DOCK1: variants seen among roughly 807,000 people sequenced by gnomAD.
DOCK1 encodes the protein dedicator of cytokinesis protein 1.
DOCK1 carries 138 observed loss-of-function variants against 262.7 expected under a neutral mutation model. The ratio of observed to expected loss-of-function variants is 0.53; its 90% CI spans 0.46 to 0.61. The LOEUF (loss-of-function observed/expected upper bound fraction) is 0.61. Ranked by LOEUF, DOCK1 falls within the 20% of genes least tolerant of loss-of-function variation. The pLI is 0.00. For synonymous variants in DOCK1, 866 were observed against 867.4 expected (o/e 1.00, Z 0.03); for missense variants, 1,908 against 2,370.7 (o/e 0.80, Z 4.05).
intron 1 of DOCK1, among the ~76,000 whole-genome samples, chr10:126,941,049 A>G (rs1301595355): frequency 1.3e-5 from 2 of 152,184 alleles, no homozygotes; most frequent in Non-Finnish European, 2.9e-5. Context: ...TTCCATCACA[A>G]TATTTCAGGG....
chr10:127,180,415 G>T (rs80344689), intron 27 of DOCK1, among the ~76,000 whole-genome samples: 1,992 of 152,256 alleles, frequency 0.013, 13 homozygotes, highest in Middle Eastern at 0.02. Context: ...TTTATTTTTC[G>T]TAAGAAAATT....
chr10:127,112,124 G>T (rs2048904598), intron 25 of DOCK1, among the ~76,000 whole-genome samples: 1 of 151,656 alleles, frequency 6.6e-6, no homozygotes, highest in African/African-American at 2.4e-5. Flanking sequence ...TGATTCTCCT[G>T]CCTCAGCCTC....
At chr10:127,044,465 A>C (rs1336329329) in intron 21 of DOCK1, among the ~76,000 whole-genome samples, 1 of 152,188 alleles carries the variant, frequency 6.6e-6, no homozygotes, top group East Asian at 1.9e-4. Context: ...GGAGATGCCC[A>C]GTGTGTGGGC....
chr10:127,147,902 G>A (rs150530830), intron 27 of DOCK1, among the ~76,000 whole-genome samples: 4 of 151,714 alleles, frequency 2.6e-5, no homozygotes, highest in South Asian at 2.1e-4. Flanking sequence ...TTGGCGGTGC[G>A]CGCACGTAGT....
chr10:127,302,080 G>C (rs2061700638), intron 29 of DOCK1, among the ~76,000 whole-genome samples: 2 of 152,030 alleles, frequency 1.3e-5, no homozygotes, highest in Admixed American at 1.3e-4. Context: ...AGGATCTAGG[G>C]TCCTCTCTGC....
intron 1 of DOCK1, among the ~76,000 whole-genome samples, chr10:126,954,565 G>A (rs1487759775): frequency 6.6e-6 from 1 of 152,152 alleles, no homozygotes; most frequent in East Asian, 1.9e-4. Flanking sequence ...GACAGACTCT[G>A]TTCCTATTAA....
chr10:127,204,442 A>G (rs2057618800), intron 27 of DOCK1, among the ~76,000 whole-genome samples: 1 of 152,012 alleles, frequency 6.6e-6, no homozygotes, highest in Non-Finnish European at 1.5e-5. Context: ...ATGCACCACC[A>G]CACCCAGCTA....
At chr10:127,078,857 C>G (rs1366296042) in intron 23 of DOCK1, among the ~76,000 whole-genome samples, 1 of 152,198 alleles carries the variant, frequency 6.6e-6, no homozygotes, top group Non-Finnish European at 1.5e-5. Flanking sequence ...GGAATCTCCT[C>G]TTCATCCTTT....
intron 1 of DOCK1, among the ~76,000 whole-genome samples, chr10:126,940,867 T>C (rs1471781791): frequency 1.3e-5 from 2 of 152,216 alleles, no homozygotes; most frequent in South Asian, 2.1e-4. Flanking sequence ...CTCTATCTTA[T>C]CAGGGAAATC....
At chr10:127,187,525 T>C (rs1338592154) in intron 27 of DOCK1, among the ~76,000 whole-genome samples, 1 of 152,104 alleles carries the variant, frequency 6.6e-6, no homozygotes, top group African/African-American at 2.4e-5. Flanking sequence ...TAAAAGTTGT[T>C]TTGGTTTTTG....
At chr10:127,438,655 C>T (rs928376351) in intron 48 of DOCK1, among the ~76,000 whole-genome samples, 2 of 152,130 alleles carry the variant, frequency 1.3e-5, no homozygotes, top group African/African-American at 4.8e-5. Flanking sequence ...GTCTATTTTT[C>T]CCCATTAAAA....
chr10:126,988,801 A>T (rs1469971224), intron 5 of DOCK1, among the ~76,000 whole-genome samples: 1 of 152,158 alleles, frequency 6.6e-6, no homozygotes, highest in Non-Finnish European at 1.5e-5. Context: ...GGCTGGGCGC[A>T]GTGGCTTATG....
chr10:127,082,192 A>G (rs565616201), intron 23 of DOCK1, among the ~76,000 whole-genome samples: 1 of 152,306 alleles, frequency 6.6e-6, no homozygotes, highest in South Asian at 2.1e-4. Context: ...CAGGAAACAA[A>G]CGCTTTCCTT....
chr10:127,254,154 T>G (rs2059754411), intron 28 of DOCK1, among the ~76,000 whole-genome samples: 1 of 152,152 alleles, frequency 6.6e-6, no homozygotes, highest in Non-Finnish European at 1.5e-5. Flanking sequence ...CTTTCCAAAT[T>G]TTTTTGTCCT....
At chr10:127,358,205 C>T (rs1021113984) in intron 32 of DOCK1, among the ~76,000 whole-genome samples, 2 of 152,098 alleles carry the variant, frequency 1.3e-5, no homozygotes, top group African/African-American at 4.8e-5. Context: ...GTATGCATGG[C>T]CCATAGAGAG....
intron 23 of DOCK1, among the ~76,000 whole-genome samples, chr10:127,071,949 G>A (rs1178309672): frequency 9.9e-5 from 15 of 152,160 alleles, no homozygotes; most frequent in Admixed American, 9.8e-4. Flanking sequence ...CCCCAGTAAT[G>A]ATGCTCACTG....
In DOCK1 at chr10:126,994,474, G is replaced by A. The variant is rs569720130; in HGVS notation, c.474-2274G>A. 6.6e-4 allele frequency among the ~76,000 whole-genome samples: 100 copies of A among 152,258 alleles called. 1 individual carries two copies. Among genetic ancestry groups the A allele is most frequent in the African/African-American group, 2.1e-3 (88 of 41,534 alleles). The stretch of plus-strand genomic sequence containing the variant: ...TAGGCAGAGGACCCTGCGGCCTTCC[G>A]CAGTGTTTGTGTCCCTGGGTACTTG... On this transcript the variant is annotated intron_variant, in intron 6 of 51. Transcript: ENST00000623213.
Position 127,012,465 on chromosome 10 carries a change from T to C in DOCK1, c.1201+91T>C. Reference sequence around the variant, plus strand: ...GTTGGTTTTAGTTTGATGTTGATCATGATGGTGGTGATAATGATGGGGATG... The same window carrying C: ...GTTGGTTTTAGTTTGATGTTGATCACGATGGTGGTGATAATGATGGGGATG... On this transcript the variant is annotated intron_variant, in intron 12 of 51. Transcript: ENST00000623213. This position sits in a 1 kb window ranked among gnomAD's most constrained non-coding sequence, Gnocchi z 4.0. 2 of 1,072,704 alleles carry C rather than the reference T, an allele frequency of 1.9e-6. No homozygotes were observed. The highest frequency in any genetic ancestry group is 2.8e-6 in the Non-Finnish European group (2 of 708,828). 66.4% of individuals were successfully genotyped at this position (1,072,704 alleles called of 1,614,324 possible).
At chr10:127,397,213 C>G (rs369957847) in intron 38 of DOCK1, among the ~76,000 whole-genome samples, 44 of 93,554 alleles carry the variant, frequency 4.7e-4, no homozygotes, top group South Asian at 8.2e-4. Flanking sequence ...ATCTGAGCAT[C>G]AGTTACACGG....
Sources: allele counts gnomAD v4.1 joint callset (sites outside exome capture counted in the v4.1 genomes callset), GRCh38; gene constraint gnomAD v4.1.1; non-coding constraint Gnocchi (gnomAD v3.1); transcripts MANE v1.5; gene names NCBI Gene and HGNC (gene_info 2026-07-23, HGNC 2026-07-21).